The following POFUT3 variants were observed in gnomAD, a reference collection of about 807,000 sequenced individuals.
POFUT3 encodes the protein protein O-fucosyltransferase 3.
chr8:33,394,588 C>T, the POFUT3 span, among the ~76,000 whole-genome samples: 8 of 151,664 alleles, frequency 5.3e-5, no homozygotes, highest in Non-Finnish European at 8.8e-5. Context: ...TTATATTTTT[C>T]GTGGAATGAT....
chr8:33,438,740 T>C, the POFUT3 span, among the ~76,000 whole-genome samples: 1 of 152,084 alleles, frequency 6.6e-6, no homozygotes, highest in South Asian at 2.1e-4. Context: ...ATGTCTTATA[T>C]GGTGGCAGGC....
the POFUT3 span, among the ~76,000 whole-genome samples, chr8:33,380,109 T>TAC: frequency 2.7e-5 from 2 of 74,134 alleles, no homozygotes; most frequent in East Asian, 4.3e-4. Context: ...ACTATATATA[T>TAC]ACTATATATA....
chr8:33,359,349 T>C, the POFUT3 span, among the ~76,000 whole-genome samples: 436 of 152,354 alleles, frequency 2.9e-3, 2 homozygotes, highest in African/African-American at 9.9e-3. Flanking sequence ...CAAGAGTTTA[T>C]GGCATCTATT....
At chr8:33,422,460 G>A in the POFUT3 span, among the ~76,000 whole-genome samples, 836 of 141,560 alleles carry the variant, frequency 5.9e-3, 14 homozygotes, top group African/African-American at 0.021. Context: ...CAAGAGAATT[G>A]CTTGAACCCA....
the POFUT3 span, among the ~76,000 whole-genome samples, chr8:33,428,982 C>T: frequency 2.0e-5 from 3 of 152,182 alleles, no homozygotes; most frequent in Admixed American, 6.5e-5. Context: ...TGCTCTTTAA[C>T]TTTGTACAGC....
chr8:33,451,679 T>G, the POFUT3 span: 1 of 152,192 alleles, frequency 6.6e-6, no homozygotes, highest in South Asian at 2.1e-4. Context: ...TATATTGTAT[T>G]AGTCCATTCT....
the POFUT3 span, among the ~76,000 whole-genome samples, chr8:33,375,618 G>C: frequency 1.3e-5 from 2 of 152,120 alleles, no homozygotes; most frequent in Admixed American, 6.5e-5. Context: ...ATGTAAGGGG[G>C]AAAATGATAG....
At chr8:33,359,551 C>T in the POFUT3 span, among the ~76,000 whole-genome samples, 1 of 152,116 alleles carries the variant, frequency 6.6e-6, no homozygotes, top group Admixed American at 6.5e-5. Context: ...ATCATCTCCA[C>T]CAAGAGGCTT....
chr8:33,314,147 A>G, the POFUT3 span, among the ~76,000 whole-genome samples: 2 of 152,198 alleles, frequency 1.3e-5, no homozygotes, highest in Non-Finnish European at 2.9e-5. Context: ...AAAGAAATCA[A>G]TTGATGGCAG....
At chr8:33,441,378 C>CTTTTTT in the POFUT3 span, among the ~76,000 whole-genome samples, 17 of 114,044 alleles carry the variant, frequency 1.5e-4, no homozygotes, top group South Asian at 2.9e-4. Flanking sequence ...TTTTTCCTGC[C>CTTTTTT]TTTTTTTTTT....
the POFUT3 span, chr8:33,452,050 T>C: frequency 1.3e-4 from 20 of 152,126 alleles, no homozygotes; most frequent in African/African-American, 4.8e-4. Context: ...ACCATATCAG[T>C]ATATACGTGT....
At chr8:33,393,173 C>A in the POFUT3 span, among the ~76,000 whole-genome samples, 1 of 152,132 alleles carries the variant, frequency 6.6e-6, no homozygotes, top group Admixed American at 6.5e-5. Flanking sequence ...AGAGTTGGAA[C>A]TGGAGTCTAT....
At chr8:33,460,838 G>A in the POFUT3 span, 3 of 663,994 alleles carry the variant, frequency 4.5e-6, no homozygotes, top group Non-Finnish European at 3.7e-6. Flanking sequence ...TTTACTGGGA[G>A]GTATTTTCTC....
At chr8:33,439,821 C>T in the POFUT3 span, among the ~76,000 whole-genome samples, 17 of 151,532 alleles carry the variant, frequency 1.1e-4, no homozygotes, top group African/African-American at 3.9e-4. Context: ...GAGCCAAGAT[C>T]GCGCCACTGC....
chr8:33,390,579 G>A, the POFUT3 span, among the ~76,000 whole-genome samples: 54 of 145,796 alleles, frequency 3.7e-4, no homozygotes, highest in African/African-American at 1.3e-3. Flanking sequence ...GTGAAACCAT[G>A]CAAAAGTAGC....
At chr8:33,454,674 C>CTTCT in the POFUT3 span, among the ~76,000 whole-genome samples, 1 of 141,174 alleles carries the variant, frequency 7.1e-6, no homozygotes. Context: ...AGTTTTGCCT[C>CTTCT]TTTTTTTTTT....
chr8:33,379,865 A>AAAAT, the POFUT3 span, among the ~76,000 whole-genome samples: 5 of 128,742 alleles, frequency 3.9e-5, no homozygotes, highest in African/African-American at 1.5e-4. Flanking sequence ...ATATATATAT[A>AAAAT]ATATATATAT....
chr8:33,381,630 C>T, the POFUT3 span, among the ~76,000 whole-genome samples: 36 of 152,276 alleles, frequency 2.4e-4, no homozygotes, highest in Admixed American at 2.2e-3. Flanking sequence ...TGCTAGAAAG[C>T]GTTAAAATGA....
chr8:33,376,535 G>A, the POFUT3 span, among the ~76,000 whole-genome samples: 2 of 152,146 alleles, frequency 1.3e-5, no homozygotes, highest in African/African-American at 4.8e-5. Flanking sequence ...TTGGTAAAAT[G>A]TGAAGGATAG....
Sources: gnomAD v4.1 joint callset for allele counts (sites outside exome capture counted in the v4.1 genomes callset) on GRCh38, gnomAD v4.1.1 for gene constraint, MANE v1.5 for transcripts, NCBI Gene and HGNC (gene_info 2026-07-23, HGNC 2026-07-21) for gene names.